The following COL5A1 variants were observed in gnomAD, a reference collection of about 807,000 sequenced individuals.
The protein encoded by COL5A1 is collagen type V alpha 1 chain, also known as collagen alpha-1(V) chain.
A neutral mutation model predicts 263.7 loss-of-function variants in COL5A1; 16 were observed. The ratio of observed to expected loss-of-function variants is 0.06; its 90% CI spans 0.04 to 0.09. The LOEUF is 0.09. Among genes scored for constraint, COL5A1 ranks in the 10% least tolerant of loss-of-function variants. COL5A1 has a pLI of 1.00. For synonymous variants in COL5A1, 1,012 were observed against 1,004.5 expected, an observed-to-expected ratio of 1.01 and a Z score of -0.14; for missense variants, 2,036 against 2,540.5, an observed-to-expected ratio of 0.80 and a Z score of 4.27.
Position 134,824,739 on chromosome 9 carries a change from G to T in COL5A1, c.4838G>T (p.Gly1613Val). 1 of 1,614,182 alleles carries T rather than the reference G, an allele frequency of 6.2e-7. No homozygotes were observed. Among genetic ancestry groups the T allele is most frequent in the Non-Finnish European group, 8.5e-7 (1 of 1,180,042 alleles). ...GCGGACGGCATGGAAGAGATCTTCG[G>T]CTCTCTCAACTCTCTGAAGCTGGAG... is the stretch of plus-strand genomic sequence containing the variant. Reference protein sequence around the residue: ...DYADGMEEIFGSLNSLKLEIE... With the variant: ...DYADGMEEIFVSLNSLKLEIE... Residue 1613 changes from glycine (G) to valine (V), a missense_variant, in exon 62 of 66, where the codon GGC becomes GTC. Gly to Val is a moderately radical substitution (Grantham distance 109, BLOSUM62 -3). This residue lies in a region of COL5A1 where 358 missense variants were observed against 384.6 expected (regional missense o/e 0.93). Coordinates refer to ENST00000371817, the MANE Select transcript of COL5A1 (RefSeq NM_000093.5).
intron 1 of COL5A1, among the ~76,000 whole-genome samples, chr9:134,664,110 T>C (rs73556983): frequency 0.032 from 4,864 of 152,302 alleles, 189 homozygotes; most frequent in African/African-American, 0.095. Context: ...GCCTGTCATG[T>C]TGGCTGGGAA....
chr9:134,774,957 T>C (rs1308004840), intron 27 of COL5A1, 45 bp downstream of exon 27: 1 of 1,584,378 alleles, frequency 6.3e-7, no homozygotes, highest in Admixed American at 1.7e-5. Flanking sequence ...GAGGTCAGGG[T>C]TGGGACTGTG....
At position 134,841,747 on chromosome 9, in the gene COL5A1, G is replaced by T. The variant is rs1409635097; in HGVS notation, c.5371-410G>T. On this transcript the variant is annotated intron_variant, in intron 65 of 65. Transcript: ENST00000371817. This position sits in a 1 kb window ranked among gnomAD's most constrained non-coding sequence, Gnocchi z 4.8. ...GAGCCCCCGTTTGATTTTCCAGTGT[G>T]CCCTGCTTGTTCTGTAGCTGGCCCT... 2.6e-5 allele frequency among the ~76,000 whole-genome samples: 4 copies of T among 152,084 alleles called. No individual in the cohort carries two copies. The highest frequency in any genetic ancestry group is 4.4e-5 in the Non-Finnish European group (3 of 67,988).
At chr9:134,712,755 GACCCTGGTGCTTCTCATGTTCA>G (rs1386634118) in intron 4 of COL5A1, among the ~76,000 whole-genome samples, 1 of 150,206 alleles carries the variant, frequency 6.7e-6, no homozygotes, top group Non-Finnish European at 1.5e-5. Flanking sequence ...TCTGGCCCTA[GACCCTGGTGCTTCTCATGTTCA>G]ACCCTGAGTT....
At chr9:134,792,802 TGC>T (rs60512288) in intron 32 of COL5A1, among the ~76,000 whole-genome samples, 1 of 134,502 alleles carries the variant, frequency 7.4e-6, no homozygotes, top group African/African-American at 3.1e-5. Flanking sequence ...TGTGCATGTG[TGC>T]GTGCATGTGT....
In COL5A1 at chr9:134,837,961, A is replaced by C. The variant is rs1839903442; in HGVS notation, c.5370+2757A>C. Among the ~76,000 whole-genome samples the C allele has an allele frequency of 2.0e-5, 3 of 152,150 alleles. 1 individual carries two copies. In the South Asian group the frequency reaches 6.2e-4, roughly 32 times the overall value. On this transcript the variant is annotated intron_variant, in intron 65 of 65. Coordinates refer to ENST00000371817, the MANE Select transcript of COL5A1 (RefSeq NM_000093.5). ...CATAGCCCCTTCCTGGCATAGCTGC[A>C]CCTTGAATACCTCAGTTGACAGTGA...
At chr9:134,839,666 G>T (rs936130071) in intron 65 of COL5A1, among the ~76,000 whole-genome samples, 2 of 152,210 alleles carry the variant, frequency 1.3e-5, no homozygotes, top group African/African-American at 4.8e-5. Flanking sequence ...CCCTGGGTGG[G>T]ACTGGGCCAG....
At chr9:134,828,886 A>G (rs1839444334) in intron 63 of COL5A1, among the ~76,000 whole-genome samples, 1 of 150,304 alleles carries the variant, frequency 6.7e-6, no homozygotes, top group Non-Finnish European at 1.5e-5. Flanking sequence ...CACACAGACC[A>G]CACATTATAC....
Position 134,742,446 on chromosome 9 carries a change from C to G in COL5A1, c.1494+3638C>G, listed in dbSNP as rs1835338313. ...CGGGTGGAGAAGGGGCTCGAACCAT[C>G]ATCCCATCCAGTTTCCCTCAGGTGA... is the stretch of plus-strand genomic sequence containing the variant. On this transcript the variant is annotated intron_variant, in intron 11 of 65. Coordinates refer to ENST00000371817, the MANE Select transcript of COL5A1 (RefSeq NM_000093.5). The surrounding 1 kb of genome is among the most constrained non-coding windows in gnomAD (Gnocchi z 4.6). Among the ~76,000 whole-genome samples the G allele has an allele frequency of 6.6e-6, 1 of 152,180 alleles. No individual in the cohort carries two copies. The highest frequency in any genetic ancestry group is 1.5e-5 in the Non-Finnish European group (1 of 68,024).
chr9:134,654,295 T>G (rs1588405681), intron 1 of COL5A1, among the ~76,000 whole-genome samples: 8 of 54,202 alleles, frequency 1.5e-4, no homozygotes, highest in East Asian at 5.4e-4. Context: ...GTAGAGCTGG[T>G]GTGTATAGGG....
chr9:134,815,447 GA>G (rs1838706539), intron 50 of COL5A1, 128 bp from the exon 51 acceptor site: 1 of 927,816 alleles, frequency 1.1e-6, no homozygotes, highest in Admixed American at 2.0e-5. Context: ...TGGGTTGTCG[GA>G]ACTGCTGGAA....
At position 134,701,252 on chromosome 9, in the gene COL5A1, C is replaced by T. The variant is rs116715381; in HGVS notation, c.573C>T (p.Leu191=). 1.3e-3 allele frequency: 2,079 copies of T among 1,613,952 alleles called. 4 individuals carry two copies. The highest frequency in any genetic ancestry group is 7.5e-3 in the African/African-American group (561 of 75,046). Residue 191 remains leucine, a synonymous_variant, in exon 4 of 66, where the codon CTC becomes CTT. Coordinates refer to ENST00000371817, the MANE Select transcript of COL5A1 (RefSeq NM_000093.5). ...GTAAAAAGAAGACCACCAAATTCCT[C>T]GACCGCAGCGACCACCCCATGATCG... is the stretch of plus-strand genomic sequence containing the variant. ...LDCKKKTTKF[L]DRSDHPMIDI... is the part of the protein sequence containing the mutation.
intron 19 of COL5A1, among the ~76,000 whole-genome samples, chr9:134,763,481 C>G (rs1836544535): frequency 6.6e-6 from 1 of 152,360 alleles, no homozygotes; most frequent in Non-Finnish European, 1.5e-5. Context: ...GCCGGCATCT[C>G]AGAGCCTGCA....
Position 134,661,342 on chromosome 9 carries a change from C to T in COL5A1, c.109+19046C>T, listed in dbSNP as rs554013841. On this transcript the variant is annotated intron_variant, in intron 1 of 65. Transcript: ENST00000371817. Reference sequence around the variant, plus strand: ...GAGCTTCACACAGCTGTTTGCACCACCCCAGATCTTTCAAGGGGTCCCCAA... The same window carrying T: ...GAGCTTCACACAGCTGTTTGCACCATCCCAGATCTTTCAAGGGGTCCCCAA... 1.5e-4 allele frequency among the ~76,000 whole-genome samples: 23 copies of T among 151,726 alleles called. No individual in the cohort carries two copies. In the South Asian group the frequency reaches 4.6e-3, roughly 30 times the overall value.
At chr9:134,714,832 G>A (rs1271647062) in intron 4 of COL5A1, among the ~76,000 whole-genome samples, 1 of 145,474 alleles carries the variant, frequency 6.9e-6, no homozygotes, top group African/African-American at 2.5e-5. Context: ...GATGATGGTG[G>A]TGGTGGTGAT....
chr9:134,703,644 T>G (rs1232864067), intron 4 of COL5A1, among the ~76,000 whole-genome samples: 1 of 138,932 alleles, frequency 7.2e-6, no homozygotes, highest in Non-Finnish European at 1.6e-5. Context: ...TTTTTTTTTT[T>G]TTTTTTTTTT....
intron 27 of COL5A1, among the ~76,000 whole-genome samples, chr9:134,778,712 C>T (rs1214041904): frequency 1.3e-5 from 2 of 152,364 alleles, no homozygotes; most frequent in African/African-American, 4.8e-5. Flanking sequence ...TCCCAGGCCT[C>T]TCCACTAGTG....
intron 9 of COL5A1, among the ~76,000 whole-genome samples, chr9:134,734,576 C>A (rs1478759822): frequency 6.6e-6 from 1 of 152,260 alleles, no homozygotes; most frequent in Admixed American, 6.5e-5. Flanking sequence ...TGAGCTCCCT[C>A]TTGGGAGATG....
chr9:134,763,188 G>A (rs974670222), intron 19 of COL5A1, among the ~76,000 whole-genome samples: 6 of 152,302 alleles, frequency 3.9e-5, no homozygotes, highest in Admixed American at 2.0e-4. Context: ...GTGCTTTGGC[G>A]AGGGACAGTG....
Sources: allele counts gnomAD v4.1 joint callset (sites outside exome capture counted in the v4.1 genomes callset), GRCh38; gene constraint gnomAD v4.1.1; regional missense constraint gnomAD v4.1.1; non-coding constraint Gnocchi (gnomAD v3.1); transcripts MANE v1.5; gene names NCBI Gene and HGNC (gene_info 2026-07-23, HGNC 2026-07-21).